BLM: variants seen among roughly 807,000 people sequenced by gnomAD.
BLM encodes the protein recQ-like DNA helicase BLM.
BLM carries 95 observed loss-of-function variants against 135.3 expected under a neutral mutation model. That is an observed-to-expected ratio of 0.70 (90% confidence interval 0.59 to 0.83). BLM has a LOEUF of 0.83. Ranked by LOEUF, BLM falls within the 40% of genes least tolerant of loss-of-function variation. The pLI, the probability that BLM is intolerant of heterozygous loss-of-function variation, is 0.00. For synonymous variants in BLM, 520 were observed against 589.2 expected (o/e 0.88, Z 1.70); for missense variants, 1,518 against 1,663.9 (o/e 0.91, Z 1.53).
chr15:90,747,974 A>AT (rs959999423), intron 2 of BLM, among the ~76,000 whole-genome samples: 5 of 149,884 alleles, frequency 3.3e-5, no homozygotes, highest in East Asian at 2.0e-4. Context: ...CGCCTGGCTA[A>AT]TTTTTTTTTG....
chr15:90,772,708 A>G (rs1434395393), intron 12 of BLM, among the ~76,000 whole-genome samples: 1 of 152,240 alleles, frequency 6.6e-6, no homozygotes, highest in Non-Finnish European at 1.5e-5. Context: ...GAACTGAAGA[A>G]GACAAGATAA....
intron 6 of BLM, 46 bp from the exon 7 acceptor site, chr15:90,760,548 A>C (rs755190298): frequency 1.3e-6 from 2 of 1,548,840 alleles, no homozygotes; most frequent in South Asian, 2.3e-5. Context: ...GGCCTACCAG[A>C]GTAAACTACT....
At chr15:90,736,956 A>G (rs577148879) in intron 1 of BLM, among the ~76,000 whole-genome samples, 6 of 152,400 alleles carry the variant, frequency 3.9e-5, no homozygotes, top group African/African-American at 1.4e-4. Flanking sequence ...ACAGTCTTTT[A>G]TGTAGTTTTA....
chr15:90,760,233 A>T lies in BLM; in HGVS notation c.1174A>T (p.Lys392Ter). 2 of 1,614,144 alleles carry T rather than the reference A, an allele frequency of 1.2e-6. No homozygotes were observed. The highest frequency in any genetic ancestry group is 1.7e-6 in the Non-Finnish European group (2 of 1,180,004). The change falls in exon 6 of 22, where the codon AAA becomes TAA. Residue 392 changes from lysine to a stop codon, truncating the protein, a stop_gained. Transcript: ENST00000355112. LOFTEE classifies it high-confidence loss of function. ...TGATACTATTCCTGATGATAAACTG[A>T]AACTTTTGGATTGTGGGAACGAACT... ...LIDTIPDDKL[K>*]LLDCGNELLQ...
chr15:90,791,450 A>G (rs1365740562), intron 15 of BLM, among the ~76,000 whole-genome samples: 1 of 152,108 alleles, frequency 6.6e-6, no homozygotes, highest in East Asian at 1.9e-4. Context: ...CAACAGTAGG[A>G]TGTAATTATC....
intron 12 of BLM, among the ~76,000 whole-genome samples, chr15:90,778,059 A>G (rs867210119): frequency 1.3e-5 from 2 of 152,214 alleles, no homozygotes; most frequent in African/African-American, 2.4e-5. Context: ...TTATTTTCCA[A>G]CAGGCAGAGT....
intron 1 of BLM, 99 bp from the exon 2 acceptor site, chr15:90,747,290 A>C: frequency 1.1e-6 from 1 of 900,116 alleles, no homozygotes; most frequent in South Asian, 1.4e-5. Flanking sequence ...CACAGTTGGA[A>C]CAATGCCTGT....
chr15:90,724,482 G>A (rs933422943), intron 1 of BLM, among the ~76,000 whole-genome samples: 2 of 152,044 alleles, frequency 1.3e-5, no homozygotes, highest in African/African-American at 4.8e-5. Flanking sequence ...GACACTGGGT[G>A]TCCTACATTT....
At chr15:90,724,551 C>T (rs755473970) in intron 1 of BLM, among the ~76,000 whole-genome samples, 1 of 152,140 alleles carries the variant, frequency 6.6e-6, no homozygotes, top group Non-Finnish European at 1.5e-5. Flanking sequence ...TTAAGTCCTC[C>T]CTGTCCACCC....
intron 15 of BLM, among the ~76,000 whole-genome samples, chr15:90,793,290 A>G (rs992808591): frequency 1.3e-5 from 2 of 151,770 alleles, no homozygotes; most frequent in Non-Finnish European, 2.9e-5. Flanking sequence ...TCGCACCACC[A>G]CACCCAGCTA....
Position 90,783,152 on chromosome 15 carries a change from C to G in BLM, c.2662+224C>G, listed in dbSNP as rs187614695. Among the ~76,000 whole-genome samples, 16 of 152,326 alleles carry G rather than the reference C, an allele frequency of 1.1e-4. No individual in the cohort carries two copies. The East Asian group carries it at 3.1e-3, about 29-fold the overall frequency. ...AACAAAAATATATTAAATACTCCCT[C>G]CTACACACGTATATTATAACTTTTG... On this transcript the variant is annotated intron_variant, in intron 13 of 21. Coordinates refer to ENST00000355112, the MANE Select transcript of BLM (RefSeq NM_000057.4).
At chr15:90,785,242 CT>C in intron 14 of BLM, among the ~76,000 whole-genome samples, 161 bp downstream of exon 14, 1 of 152,228 alleles carries the variant, frequency 6.6e-6, no homozygotes, top group Admixed American at 6.5e-5. Flanking sequence ...TCTAAAGTTG[CT>C]TTTTCTTTCA....
intron 1 of BLM, among the ~76,000 whole-genome samples, chr15:90,730,113 C>A (rs1895027781): frequency 6.6e-6 from 1 of 152,144 alleles, no homozygotes; most frequent in East Asian, 1.9e-4. Context: ...CTCGGCCTCC[C>A]AAAGTGCTGG....
At chr15:90,719,407 G>T (rs1478192576) in intron 1 of BLM, among the ~76,000 whole-genome samples, 1 of 152,154 alleles carries the variant, frequency 6.6e-6, no homozygotes, top group Non-Finnish European at 1.5e-5. Context: ...TTCGAGACTT[G>T]CCTCACCAAC....
chr15:90,762,859 C>G, intron 7 of BLM, 107 bp from the exon 8 acceptor site: 2 of 1,054,884 alleles, frequency 1.9e-6, no homozygotes, highest in Non-Finnish European at 2.8e-6. Flanking sequence ...AAGAACTGTG[C>G]TGCAGGGAAA....
intron 19 of BLM, among the ~76,000 whole-genome samples, chr15:90,808,374 G>T (rs1253409915): frequency 6.6e-6 from 1 of 152,218 alleles, no homozygotes; most frequent in East Asian, 1.9e-4. Context: ...CCCAGAGCCA[G>T]TGCATCAGTC....
chr15:90,813,984 G>A (rs530761891), intron 21 of BLM, among the ~76,000 whole-genome samples: 41 of 152,288 alleles, frequency 2.7e-4, no homozygotes, highest in Middle Eastern at 6.8e-3. Flanking sequence ...GGCTGCTGTT[G>A]GCCGATTCAT....
At chr15:90,786,840 C>T (rs1896761880) in intron 14 of BLM, among the ~76,000 whole-genome samples, 1 of 151,854 alleles carries the variant, frequency 6.6e-6, no homozygotes, top group Admixed American at 6.6e-5. Context: ...GTCGTGAACT[C>T]CTGACCTCAT....
intron 7 of BLM, among the ~76,000 whole-genome samples, chr15:90,762,147 T>C (rs1896004165): frequency 6.6e-6 from 1 of 152,144 alleles, no homozygotes; most frequent in Non-Finnish European, 1.5e-5. Context: ...CTTGAGACAG[T>C]TGAGTGTTGG....
Sources: gnomAD v4.1 joint callset for allele counts (sites outside exome capture counted in the v4.1 genomes callset) on GRCh38, gnomAD v4.1.1 for gene constraint, MANE v1.5 for transcripts, NCBI Gene and HGNC (gene_info 2026-07-23, HGNC 2026-07-21) for gene names.